The following MYOF variants were observed in gnomAD, a reference collection of about 807,000 sequenced individuals.
MYOF encodes fer-1-like 3, myoferlin.
MYOF carries 244 observed loss-of-function variants against 284.2 expected under a neutral mutation model. The ratio of observed to expected loss-of-function variants is 0.86; its 90% CI spans 0.77 to 0.95. The LOEUF (loss-of-function observed/expected upper bound fraction) is 0.95. Ranked by LOEUF, MYOF falls within the 40% of genes least tolerant of loss-of-function variation. The pLI is 0.00. For synonymous variants in MYOF, 904 were observed against 919.7 expected, an observed-to-expected ratio of 0.98 and a Z score of 0.31; for missense variants, 2,496 against 2,560.6, an observed-to-expected ratio of 0.97 and a Z score of 0.54.
intron 7 of MYOF, among the ~76,000 whole-genome samples, chr10:93,405,575 T>A (rs796725421): frequency 6.6e-5 from 10 of 152,308 alleles, no homozygotes; most frequent in African/African-American, 2.4e-4. Context: ...ATTACAGGCG[T>A]GAGCCACCAT....
intron 46 of MYOF, among the ~76,000 whole-genome samples, chr10:93,324,927 C>T (rs1842979283): frequency 6.6e-6 from 1 of 151,940 alleles, no homozygotes; most frequent in African/African-American, 2.4e-5. Flanking sequence ...TTACAGGCAC[C>T]CACCACCGCG....
intron 35 of MYOF, among the ~76,000 whole-genome samples, chr10:93,350,221 C>T (rs1278841765): frequency 2.6e-5 from 4 of 152,118 alleles, no homozygotes; most frequent in Non-Finnish European, 4.4e-5. Flanking sequence ...TGTGTCAATG[C>T]TGACAAGGTA....
chr10:93,457,859 T>G (rs1439092272), intron 1 of MYOF, among the ~76,000 whole-genome samples: 1 of 150,838 alleles, frequency 6.6e-6, no homozygotes, highest in Non-Finnish European at 1.5e-5. Context: ...CGGCGCCCCA[T>G]GTAGTTGGGA....
In MYOF at chr10:93,378,693, G is replaced by GTGTGTGTATATA; in HGVS notation, c.2001+1169_2001+1170insTATATACACACA. On this transcript the variant is annotated intron_variant, in intron 21 of 53. Transcript: ENST00000359263. ...TATGTGTGTGTGTATGTGTGTGTGTGTATATATATATATATATATATATGT... is the reference window on the plus strand; with the variant it reads ...TATGTGTGTGTGTATGTGTGTGTGTGTGTGTGTATATATATATATATATATATATATATATGT... Among the ~76,000 whole-genome samples the GTGTGTGTATATA allele has an allele frequency of 9.1e-4, 80 of 87,848 alleles. 4 individuals are homozygous for GTGTGTGTATATA. In the East Asian group the frequency reaches 0.023, roughly 25 times the overall value. The allele number at this position is 87,848 out of a possible 152,430, so 57.6% of individuals were successfully genotyped here.
chr10:93,309,972 TG>T (rs779233596), intron 53 of MYOF, 47 bp downstream of exon 53: 53 of 1,611,186 alleles, frequency 3.3e-5, no homozygotes, highest in Non-Finnish European at 4.3e-5. Flanking sequence ...GAGGACCAAC[TG>T]CAACTCACAA....
At chr10:93,426,272 G>T (rs1227917623) in intron 4 of MYOF, 114 bp from the exon 5 acceptor site, 8 of 1,009,022 alleles carry the variant, frequency 7.9e-6, no homozygotes, top group Non-Finnish European at 1.0e-5. Context: ...AAGAGAGAGG[G>T]AGTAGGTAAG....
At chr10:93,429,515 A>T (rs1378584097) in intron 4 of MYOF, among the ~76,000 whole-genome samples, 1 of 152,210 alleles carries the variant, frequency 6.6e-6, no homozygotes, top group Non-Finnish European at 1.5e-5. Flanking sequence ...ATTGACTTAT[A>T]CCATCTTTCC....
chr10:93,325,141 T>A (rs975246998), intron 46 of MYOF, among the ~76,000 whole-genome samples: 5 of 152,192 alleles, frequency 3.3e-5, no homozygotes, highest in African/African-American at 1.2e-4. Flanking sequence ...TTCAGATTCC[T>A]GGACCCACCC....
At chr10:93,412,102 C>A (rs914346550) in intron 5 of MYOF, among the ~76,000 whole-genome samples, 4 of 152,206 alleles carry the variant, frequency 2.6e-5, no homozygotes, top group Admixed American at 2.0e-4. Context: ...CCCTTCACCC[C>A]ATTTTACAGA....
At chr10:93,360,998 G>A (rs787635) in intron 28 of MYOF, among the ~76,000 whole-genome samples, 114,846 of 152,102 alleles carry the variant, frequency 0.76, 43,577 homozygotes, top group East Asian at 0.98. Flanking sequence ...TCTACATTTG[G>A]TTAGTCACAG....
At chr10:93,378,412 T>G (rs1016171397) in intron 21 of MYOF, among the ~76,000 whole-genome samples, 5 of 152,122 alleles carry the variant, frequency 3.3e-5, no homozygotes, top group African/African-American at 1.2e-4. Flanking sequence ...TGCAACTTTA[T>G]TTTCAGGACA....
At chr10:93,438,154 C>G (rs1444717192) in intron 3 of MYOF, among the ~76,000 whole-genome samples, 1 of 152,144 alleles carries the variant, frequency 6.6e-6, no homozygotes, top group East Asian at 1.9e-4. Flanking sequence ...CAGAATCCCC[C>G]TGACTGTGAC....
intron 2 of MYOF, among the ~76,000 whole-genome samples, chr10:93,454,105 C>T (rs2056672563): frequency 6.6e-6 from 1 of 152,086 alleles, no homozygotes; most frequent in African/African-American, 2.4e-5. Context: ...TCACTTGAAC[C>T]CAGGAGGCGG....
intron 16 of MYOF, among the ~76,000 whole-genome samples, chr10:93,394,780 CT>C (rs141999247): frequency 0.041 from 5,911 of 143,864 alleles, 396 homozygotes; most frequent in African/African-American, 0.14. Flanking sequence ...CTTCTGATTG[CT>C]TTTTTTTTTC....
chr10:93,407,453 G>A (rs545972060), intron 7 of MYOF, among the ~76,000 whole-genome samples: 4 of 147,442 alleles, frequency 2.7e-5, no homozygotes, highest in Non-Finnish European at 4.5e-5. Flanking sequence ...AAAAAAGGCC[G>A]GGTGTGGTGG....
In MYOF at chr10:93,306,850, C is replaced by G. The variant is rs1024360381; in HGVS notation, c.*113G>C. On this transcript the variant is annotated 3_prime_UTR_variant, in exon 54 of 54. Transcript: ENST00000359263. ...GAATCAATGGGGCTCGGTGACATGG[C>G]GTAACCTGCTACTGGGGTGTGGTCT... The G allele has an allele frequency of 3.5e-6, 4 of 1,129,672 alleles. No individual in the cohort carries two copies. In the African/African-American group the frequency reaches 4.7e-5, roughly 13 times the overall value. The allele number at this position is 1,129,672 out of a possible 1,614,324, so 70.0% of individuals were successfully genotyped here. A position where few individuals can be genotyped will look rare whatever the true frequency, so the allele number is the denominator to read the frequency against.
At chr10:93,453,277 T>C (rs2056646451) in intron 2 of MYOF, among the ~76,000 whole-genome samples, 1 of 152,144 alleles carries the variant, frequency 6.6e-6, no homozygotes, top group Non-Finnish European at 1.5e-5. Context: ...GCAATTCTCC[T>C]GTCTCAGCCT....
At chr10:93,428,082 TAC>T (rs889774243) in intron 4 of MYOF, among the ~76,000 whole-genome samples, 20 of 151,760 alleles carry the variant, frequency 1.3e-4, no homozygotes, top group Non-Finnish European at 4.4e-5. Flanking sequence ...GGCACACACG[TAC>T]ACACACACAT....
At chr10:93,454,150 C>T (rs557938877) in intron 2 of MYOF, among the ~76,000 whole-genome samples, 2 of 152,244 alleles carry the variant, frequency 1.3e-5, no homozygotes, top group Admixed American at 1.3e-4. Flanking sequence ...CCATTGCACT[C>T]TAGCCTGGGC....
Sources: gnomAD v4.1 joint callset for allele counts (sites outside exome capture counted in the v4.1 genomes callset) on GRCh38, gnomAD v4.1.1 for gene constraint, MANE v1.5 for transcripts, NCBI Gene and HGNC (gene_info 2026-07-23, HGNC 2026-07-21) for gene names.